UBL3: variants seen among roughly 807,000 people sequenced by gnomAD.
The protein encoded by UBL3 is ubiquitin like 3.
A neutral mutation model predicts 18.4 loss-of-function variants in UBL3; 6 were observed. That is an observed-to-expected ratio of 0.33 (90% CI 0.18 to 0.64). The LOEUF (loss-of-function observed/expected upper bound fraction) is 0.64, where lower values mean the gene tolerates loss of function less well. Ranked by LOEUF, UBL3 falls within the 30% of genes least tolerant of loss-of-function variation. The pLI is 0.76. For missense variants in UBL3, 109 were observed against 142.9 expected (o/e 0.76, Z 1.21); for synonymous variants, 49 against 46.6 (o/e 1.05, Z -0.21).
At chr13:29,798,954 T>A (rs906122947) in intron 1 of UBL3, among the ~76,000 whole-genome samples, 7 of 152,220 alleles carry the variant, frequency 4.6e-5, no homozygotes, top group Non-Finnish European at 8.8e-5. Context: ...ATTTTCCAGA[T>A]AAGGAAACTG....
intron 1 of UBL3, among the ~76,000 whole-genome samples, chr13:29,847,902 C>T (rs1477513915): frequency 6.6e-6 from 1 of 151,998 alleles, no homozygotes; most frequent in Non-Finnish European, 1.5e-5. Flanking sequence ...TGTGTGCACA[C>T]CAGAAGAGAA....
rs557672156 is a variant in UBL3 at position 29,814,128 on chromosome 13, C to CT, written c.27+35383dup. Among the ~76,000 whole-genome samples the CT allele has an allele frequency of 2.3e-3, 353 of 151,844 alleles. 3 individuals are homozygous for CT. Among genetic ancestry groups the CT allele is most frequent in the African/African-American group, 8.4e-3 (347 of 41,428 alleles). On this transcript the variant is annotated intron_variant, in intron 1 of 4. Coordinates refer to ENST00000380680, the MANE Select transcript of UBL3 (RefSeq NM_007106.4). ...GTTTTAGGTCTAATTTAGAATCTTT[C>CT]TTTTTTTTAAAGAGTATCTAATGTT... is the stretch of plus-strand genomic sequence containing the variant.
At chr13:29,817,751 G>C (rs934819632) in intron 1 of UBL3, among the ~76,000 whole-genome samples, 10 of 152,080 alleles carry the variant, frequency 6.6e-5, no homozygotes, top group African/African-American at 2.4e-4. Context: ...AAACTTGTGC[G>C]TGTGGTAAAT....
intron 1 of UBL3, among the ~76,000 whole-genome samples, chr13:29,783,079 TA>T (rs2139317277): frequency 6.6e-6 from 1 of 152,360 alleles, no homozygotes; most frequent in East Asian, 1.9e-4. Flanking sequence ...TCTGGCATTG[TA>T]TTGAATGAGT....
intron 1 of UBL3, among the ~76,000 whole-genome samples, chr13:29,779,915 C>T (rs932553356): frequency 3.3e-5 from 5 of 152,122 alleles, no homozygotes; most frequent in Admixed American, 6.5e-5. Flanking sequence ...TGTACCACAG[C>T]GGCCTTATAA....
chr13:29,839,732 C>G (rs536844018), intron 1 of UBL3, among the ~76,000 whole-genome samples: 1 of 152,038 alleles, frequency 6.6e-6, no homozygotes, highest in Non-Finnish European at 1.5e-5. Context: ...TTGAGACCAC[C>G]CTGGCTAACA....
chr13:29,818,678 A>G (rs1593667732), intron 1 of UBL3, among the ~76,000 whole-genome samples: 3 of 152,296 alleles, frequency 2.0e-5, no homozygotes, highest in Admixed American at 2.0e-4. Flanking sequence ...TTAGTGGCCA[A>G]TGTATAACAG....
chr13:29,788,846 T>A (rs1331813429), intron 1 of UBL3, among the ~76,000 whole-genome samples: 1 of 7,476 alleles, frequency 1.3e-4, no homozygotes, highest in Non-Finnish European at 8.4e-4. Context: ...GAAGTGTGTG[T>A]GTGTGTGTGT....
At chr13:29,816,575 A>G (rs1207328221) in intron 1 of UBL3, among the ~76,000 whole-genome samples, 1 of 151,536 alleles carries the variant, frequency 6.6e-6, no homozygotes, top group African/African-American at 2.4e-5. Context: ...CCCGGGCAAC[A>G]TGGTGAGATT....
intron 1 of UBL3, among the ~76,000 whole-genome samples, chr13:29,811,112 T>C (rs765107986): frequency 6.6e-5 from 10 of 151,952 alleles, no homozygotes; most frequent in Admixed American, 3.3e-4. Context: ...TTGGAATTAT[T>C]ATACGATAAT....
intron 3 of UBL3, 110 bp from the exon 4 acceptor site, chr13:29,767,805 C>G (rs1422118813): frequency 1.2e-6 from 1 of 839,176 alleles, no homozygotes; most frequent in Non-Finnish European, 1.8e-6. Flanking sequence ...ACTTCTTTAA[C>G]AGATTCAACT....
At chr13:29,822,064 G>T (rs1291876693) in intron 1 of UBL3, among the ~76,000 whole-genome samples, 1 of 152,114 alleles carries the variant, frequency 6.6e-6, no homozygotes, top group Non-Finnish European at 1.5e-5. Flanking sequence ...TGCTGCCTTG[G>T]TTGAATATAT....
At chr13:29,849,388 A>C (rs891716821) in intron 1 of UBL3, 124 bp downstream of exon 1, 1 of 1,314,804 alleles carries the variant, frequency 7.6e-7, no homozygotes, top group African/African-American at 1.5e-5. Flanking sequence ...ACTTCTCCAA[A>C]TCGCTCAGCA....
chr13:29,831,593 GAAA>G (rs375371538), intron 1 of UBL3, among the ~76,000 whole-genome samples: 1 of 61,386 alleles, frequency 1.6e-5, no homozygotes, highest in Admixed American at 1.8e-4. Context: ...CGTCTCAAAA[GAAA>G]AAAAAAAAAA....
At chr13:29,788,643 A>G (rs1391592969) in intron 1 of UBL3, among the ~76,000 whole-genome samples, 4 of 152,204 alleles carry the variant, frequency 2.6e-5, no homozygotes, top group Admixed American at 2.6e-4. Flanking sequence ...TTTTGAGACA[A>G]AATACTCCTT....
At chr13:29,787,405 C>T (rs1877350780) in intron 1 of UBL3, among the ~76,000 whole-genome samples, 1 of 152,118 alleles carries the variant, frequency 6.6e-6, no homozygotes. Flanking sequence ...TGTACATTTA[C>T]TTTCAGTTTG....
intron 1 of UBL3, among the ~76,000 whole-genome samples, chr13:29,843,988 C>A (rs1879172235): frequency 6.6e-6 from 1 of 152,188 alleles, no homozygotes; most frequent in South Asian, 2.1e-4. Flanking sequence ...TTGAGTTCTA[C>A]AACTCTTAAA....
intron 1 of UBL3, among the ~76,000 whole-genome samples, chr13:29,786,772 T>C (rs1028698974): frequency 2.6e-5 from 4 of 151,936 alleles, no homozygotes; most frequent in Non-Finnish European, 5.9e-5. Context: ...CATTTAGTTA[T>C]GATGTAGATT....
chr13:29,806,435 T>C (rs1265123738), intron 1 of UBL3, among the ~76,000 whole-genome samples: 2 of 152,160 alleles, frequency 1.3e-5, no homozygotes, highest in African/African-American at 2.4e-5. Context: ...TTGCCAATCA[T>C]TAATTTACAG....
Sources: allele counts gnomAD v4.1 joint callset (sites outside exome capture counted in the v4.1 genomes callset), GRCh38; gene constraint gnomAD v4.1.1; transcripts MANE v1.5; gene names NCBI Gene and HGNC (gene_info 2026-07-23, HGNC 2026-07-21).